The following MYO1B variants were observed in gnomAD, a reference collection of about 807,000 sequenced individuals.
The protein encoded by MYO1B is myosin IB, also known as unconventional myosin-Ib.
MYO1B carries 72 observed loss-of-function variants against 159.7 expected under a neutral mutation model. The ratio of observed to expected loss-of-function variants is 0.45; its 90% CI spans 0.37 to 0.55. The LOEUF (loss-of-function observed/expected upper bound fraction) is 0.55. Ranked by LOEUF, MYO1B falls within the 20% of genes least tolerant of loss-of-function variation. The pLI, the probability that MYO1B is intolerant of heterozygous loss-of-function variation, is 0.00. For missense variants in MYO1B, 1,062 were observed against 1,364.8 expected, an observed-to-expected ratio of 0.78 and a Z score of 3.50; for synonymous variants, 468 against 473.8, an observed-to-expected ratio of 0.99 and a Z score of 0.16.
Position 191,411,159 on chromosome 2 carries a change from T to A in MYO1B, c.2860T>A (p.Leu954Ile). Reference protein sequence around the residue: ...ASELFKDKKALYPSSVGQPFQ... With the variant: ...ASELFKDKKAIYPSSVGQPFQ... ...TGAACTCTTCAAAGACAAGAAGGCTTTATACCCATCTAGGTATTATGGCTT... is the reference window on the plus strand; with the variant it reads ...TGAACTCTTCAAAGACAAGAAGGCTATATACCCATCTAGGTATTATGGCTT... The change falls in exon 27 of 31, where the codon TTA (leucine) becomes ATA (isoleucine). Residue 954 changes from leucine (L) to isoleucine (I), a missense_variant. Leu to Ile is a conservative substitution (Grantham distance 5). This residue lies in a region of MYO1B where 609 missense variants were observed against 744.4 expected (regional missense o/e 0.82). Transcript: ENST00000392318. 6.3e-7 allele frequency: 1 copy of A among 1,596,186 alleles called. No individual in the cohort carries two copies. The highest frequency in any genetic ancestry group is 1.1e-5 in the South Asian group (1 of 87,870).
chr2:191,345,957 G>T (rs1358409099), intron 5 of MYO1B, among the ~76,000 whole-genome samples: 1 of 152,102 alleles, frequency 6.6e-6, no homozygotes, highest in Non-Finnish European at 1.5e-5. Context: ...GTGTTAAAAG[G>T]TGTTGAATTA....
chr2:191,294,352 A>T (rs143053899), intron 2 of MYO1B, among the ~76,000 whole-genome samples: 3 of 152,330 alleles, frequency 2.0e-5, no homozygotes, highest in Non-Finnish European at 4.4e-5. Flanking sequence ...TATTCAAGAA[A>T]AAGGGAGAAG....
intron 3 of MYO1B, among the ~76,000 whole-genome samples, chr2:191,303,955 T>A (rs1303019653): frequency 1.3e-5 from 2 of 152,214 alleles, no homozygotes; most frequent in Non-Finnish European, 2.9e-5. Flanking sequence ...CTTTTCCTTT[T>A]ATGCATGACT....
At chr2:191,411,269 G>C in intron 27 of MYO1B, 97 bp downstream of exon 27, 1 of 692,368 alleles carries the variant, frequency 1.4e-6, no homozygotes, top group Non-Finnish European at 2.4e-6. Flanking sequence ...TTCAGTCTTA[G>C]ATGAGTGATT....
intron 30 of MYO1B, among the ~76,000 whole-genome samples, chr2:191,418,940 C>T (rs1697755677): frequency 6.6e-6 from 1 of 152,180 alleles, no homozygotes; most frequent in Non-Finnish European, 1.5e-5. Flanking sequence ...ATGTGTAATG[C>T]AGTTATGCAC....
intron 4 of MYO1B, among the ~76,000 whole-genome samples, chr2:191,338,236 A>G (rs1360092610): frequency 6.6e-6 from 1 of 152,134 alleles, no homozygotes; most frequent in Non-Finnish European, 1.5e-5. Flanking sequence ...ACTTATTAAG[A>G]TGAGCCCAGT....
intron 27 of MYO1B, among the ~76,000 whole-genome samples, chr2:191,413,767 C>G (rs1697392787): frequency 6.6e-6 from 1 of 152,060 alleles, no homozygotes; most frequent in African/African-American, 2.4e-5. Context: ...AGCTGTTGTT[C>G]TTATGAGTGA....
rs1156725692 is a variant in MYO1B at position 191,340,411 on chromosome 2, TAAAAGAATC to T, written c.347-1048_347-1040del. Among the ~76,000 whole-genome samples the T allele has an allele frequency of 2.0e-5, 3 of 152,286 alleles. No individual in the cohort carries two copies. In the East Asian group the frequency reaches 5.8e-4, roughly 29 times the overall value. ...ATTAACATTTCTTGAAACTTAGTGTTAAAAGAATCAGAAGCTAGGAGGCAGATGCCGAGA... is the reference window on the plus strand; with the variant it reads ...ATTAACATTTCTTGAAACTTAGTGTTAGAAGCTAGGAGGCAGATGCCGAGA... On this transcript the variant is annotated intron_variant, in intron 4 of 30. Transcript: ENST00000392318.
intron 4 of MYO1B, among the ~76,000 whole-genome samples, chr2:191,337,277 T>C (rs558640669): frequency 6.6e-6 from 1 of 152,360 alleles, no homozygotes; most frequent in East Asian, 1.9e-4. Context: ...GATTATTATA[T>C]ATGAATTTAT....
chr2:191,324,280 A>G (rs1309450590), intron 3 of MYO1B, among the ~76,000 whole-genome samples: 1 of 151,782 alleles, frequency 6.6e-6, no homozygotes, highest in Non-Finnish European at 1.5e-5. Flanking sequence ...TTTGTCATTC[A>G]ATTATTTATT....
intron 9 of MYO1B, among the ~76,000 whole-genome samples, chr2:191,363,286 A>T (rs1018824438): frequency 6.6e-6 from 1 of 152,240 alleles, no homozygotes; most frequent in Non-Finnish European, 1.5e-5. Context: ...ATGAATGAAC[A>T]GATGCCTCCT....
At chr2:191,359,005 A>G (rs766304400) in intron 7 of MYO1B, among the ~76,000 whole-genome samples, 29 of 152,346 alleles carry the variant, frequency 1.9e-4, no homozygotes, top group Non-Finnish European at 3.4e-4. Flanking sequence ...TATATTTTTT[A>G]TGTAATCAAG....
rs115187276 is a variant in MYO1B at position 191,374,944 on chromosome 2, G to A, written c.1185+4652G>A. On this transcript the variant is annotated intron_variant, in intron 13 of 30. Transcript: ENST00000392318. ...AAGATATTAAGTTAAAAAGTAAGTT[G>A]AACAATCTACATTGATTTCAGCTCG... Among the ~76,000 whole-genome samples the A allele has an allele frequency of 5.3e-3, 814 of 152,244 alleles. 5 individuals are homozygous for A. The highest frequency in any genetic ancestry group is 0.019 in the African/African-American group (785 of 41,540).
chr2:191,313,191 G>GTTTT (rs1690115126), intron 3 of MYO1B, among the ~76,000 whole-genome samples: 2 of 63,732 alleles, frequency 3.1e-5, no homozygotes, highest in Non-Finnish European at 6.6e-5. Context: ...GGCACACATG[G>GTTTT]CTTTTTTTTT....
chr2:191,341,665 G>A, intron 5 of MYO1B, 100 bp downstream of exon 5: 1 of 820,484 alleles, frequency 1.2e-6, no homozygotes, highest in Non-Finnish European at 2.0e-6. Flanking sequence ...ATTCTGGGAG[G>A]GAAGAGGAAG....
chr2:191,339,662 T>C (rs1692086466), intron 4 of MYO1B, among the ~76,000 whole-genome samples: 1 of 152,202 alleles, frequency 6.6e-6, no homozygotes, highest in Non-Finnish European at 1.5e-5. Context: ...CCTCCAACCA[T>C]TGAAGAAGCA....
rs1691358787 is a variant in MYO1B at position 191,330,004 on chromosome 2, T to G, written c.321T>G (p.Thr107=). 1 of 1,611,808 alleles carries G rather than the reference T, an allele frequency of 6.2e-7. No homozygotes were observed. ...ATAAGGACCAATGTATTCTCATTAC[T>G]GGGGAAAGTGGAGCAGGAAAAACAG... The part of the protein sequence containing the change: ...DQDKDQCILI[T]GESGAGKTEA... The change falls in exon 4 of 31, where the codon ACT becomes ACG. Residue 107 remains threonine, a synonymous_variant. Transcript: ENST00000392318.
intron 4 of MYO1B, among the ~76,000 whole-genome samples, chr2:191,338,761 T>A (rs1188052985): frequency 6.6e-6 from 1 of 152,192 alleles, no homozygotes; most frequent in Non-Finnish European, 1.5e-5. Context: ...TTGGCCACAG[T>A]AAGGTCCATA....
chr2:191,409,262 C>G, intron 26 of MYO1B, 84 bp downstream of exon 26: 1 of 1,395,152 alleles, frequency 7.2e-7, no homozygotes, highest in African/African-American at 1.5e-5. Context: ...AAACTGTTAA[C>G]ACATTCTTCC....
Sources: allele counts gnomAD v4.1 joint callset (sites outside exome capture counted in the v4.1 genomes callset), GRCh38; gene constraint gnomAD v4.1.1; regional missense constraint gnomAD v4.1.1; transcripts MANE v1.5; gene names NCBI Gene and HGNC (gene_info 2026-07-23, HGNC 2026-07-21).